The following MGAT5 variants were observed in gnomAD, a reference collection of about 807,000 sequenced individuals.
MGAT5 encodes alpha-1,6-mannosylglycoprotein 6-beta-N-acetylglucosaminyltransferase A.
MGAT5 carries 30 observed loss-of-function variants against 94.3 expected under a neutral mutation model. That is an observed-to-expected ratio of 0.32 (90% CI 0.24 to 0.43). The LOEUF (loss-of-function observed/expected upper bound fraction) is 0.43. Ranked by LOEUF, MGAT5 falls within the 20% of genes least tolerant of loss-of-function variation. MGAT5 has a pLI of 1.00. For synonymous variants in MGAT5, 310 were observed against 322.9 expected, an observed-to-expected ratio of 0.96 and a Z score of 0.43; for missense variants, 691 against 905.5, an observed-to-expected ratio of 0.76 and a Z score of 3.04.
At chr2:134,387,088 C>T (rs1010101949) in intron 10 of MGAT5, among the ~76,000 whole-genome samples, 1 of 151,028 alleles carries the variant, frequency 6.6e-6, no homozygotes, top group Admixed American at 6.6e-5. Context: ...ATGGAGAAAC[C>T]CTATCTCTAC....
At chr2:134,262,910 A>T (rs536798021) in intron 1 of MGAT5, among the ~76,000 whole-genome samples, 3 of 152,356 alleles carry the variant, frequency 2.0e-5, no homozygotes, top group Non-Finnish European at 4.4e-5. Context: ...AGAAGAGGTC[A>T]GGCTTGCCAC....
At chr2:134,232,229 C>A (rs1310525791) in intron 1 of MGAT5, among the ~76,000 whole-genome samples, 1 of 152,182 alleles carries the variant, frequency 6.6e-6, no homozygotes, top group African/African-American at 2.4e-5. Flanking sequence ...TTATTGGACT[C>A]ATTTCTCACC....
At chr2:134,277,159 C>T (rs770274541) in intron 2 of MGAT5, among the ~76,000 whole-genome samples, 16 of 152,274 alleles carry the variant, frequency 1.1e-4, no homozygotes, top group Admixed American at 3.9e-4. Context: ...GGCTCCACCA[C>T]TTCATAGCAG....
At chr2:134,253,701 C>T (rs1682754888), upstream of MGAT5, among the ~76,000 whole-genome samples, 1 of 152,152 alleles carries the variant, frequency 6.6e-6, no homozygotes, top group Non-Finnish European at 1.5e-5. Flanking sequence ...TGCCTGGTGG[C>T]CCTGAGAGAG....
chr2:134,391,113 GC>G (rs1216484380), intron 10 of MGAT5, among the ~76,000 whole-genome samples: 1 of 152,164 alleles, frequency 6.6e-6, no homozygotes, highest in African/African-American at 2.4e-5. Context: ...GAACTCTCAA[GC>G]AGTGTTTAAC....
At chr2:134,292,346 G>A (rs932266901) in intron 2 of MGAT5, among the ~76,000 whole-genome samples, 6 of 152,058 alleles carry the variant, frequency 3.9e-5, no homozygotes, top group Non-Finnish European at 7.4e-5. Context: ...TTTAATCCTC[G>A]CAAGTCTCTC....
intron 2 of MGAT5, among the ~76,000 whole-genome samples, chr2:134,283,449 A>G (rs1266747930): frequency 1.3e-5 from 2 of 152,138 alleles, no homozygotes; most frequent in Admixed American, 6.5e-5. Flanking sequence ...AGAGGCACCA[A>G]ATGGGGAGCA....
At chr2:134,160,566 G>A (rs186926048) in intron 1 of MGAT5, among the ~76,000 whole-genome samples, 12 of 152,260 alleles carry the variant, frequency 7.9e-5, no homozygotes, top group South Asian at 4.1e-4. Context: ...GATTGGGTGC[G>A]GGTATTGTAT....
At chr2:134,240,666 A>G (rs942774662) in intron 1 of MGAT5, among the ~76,000 whole-genome samples, 1 of 152,152 alleles carries the variant, frequency 6.6e-6, no homozygotes, top group Non-Finnish European at 1.5e-5. Flanking sequence ...AATTCTGTTG[A>G]TTTTCCTCAT....
Position 134,177,144 on chromosome 2 carries a change from C to CGTGTGTATGTGTGTGTGTGT in MGAT5, c.-143+56859_-143+56860insATGTGTGTGTGTGTGTGTGT, listed in dbSNP as rs1553488518. ...AGGGACCTCCTGTAACAAATGAACC[C>CGTGTGTATGTGTGTGTGTGT]GTGTGTGTGTGTGTGTGTATGTATC... is the stretch of plus-strand genomic sequence containing the variant. On this transcript the variant is annotated intron_variant, in intron 1 of 16. Transcript: ENST00000409645. 2.0e-3 allele frequency among the ~76,000 whole-genome samples: 279 copies of CGTGTGTATGTGTGTGTGTGT among 142,594 alleles called. 1 individual carries two copies. The highest frequency in any genetic ancestry group is 4.1e-3 in the African/African-American group (148 of 36,206). 93.5% of individuals were successfully genotyped at this position (142,594 alleles called of 152,430 possible).
intron 2 of MGAT5, among the ~76,000 whole-genome samples, chr2:134,313,614 T>TA (rs908517850): frequency 6.6e-6 from 1 of 152,072 alleles, no homozygotes; most frequent in Admixed American, 6.5e-5. Flanking sequence ...TTTCAACATT[T>TA]AAAAAAAATG....
chr2:134,358,160 C>T (rs935654037), intron 9 of MGAT5, among the ~76,000 whole-genome samples: 3 of 150,968 alleles, frequency 2.0e-5, no homozygotes, highest in African/African-American at 7.3e-5. Flanking sequence ...ATCTATATGC[C>T]CCAGTCCTCT....
intron 10 of MGAT5, among the ~76,000 whole-genome samples, chr2:134,387,317 TATATATATATATA>T (rs1432647809): frequency 1.7e-4 from 8 of 47,904 alleles, no homozygotes; most frequent in East Asian, 8.7e-4. Context: ...TATATATATA[TATATATATATATA>T]TATTTTTTTT....
intron 12 of MGAT5, 105 bp from the exon 13 acceptor site, chr2:134,422,698 T>C: frequency 1.3e-6 from 1 of 786,954 alleles, no homozygotes; most frequent in Non-Finnish European, 2.2e-6. Flanking sequence ...AGTGTCTTGT[T>C]ACCTACACGA....
chr2:134,193,127 T>TTA (rs200607190), intron 1 of MGAT5, among the ~76,000 whole-genome samples: 53 of 135,130 alleles, frequency 3.9e-4, no homozygotes, highest in African/African-American at 1.2e-3. Context: ...TATTTTTTAT[T>TTA]TTTTTTTTTT....
At chr2:134,127,942 G>A (rs2104892550) in intron 1 of MGAT5, among the ~76,000 whole-genome samples, 1 of 152,236 alleles carries the variant, frequency 6.6e-6, no homozygotes, top group Admixed American at 6.5e-5. Context: ...TTTAAAATCA[G>A]TCTGTGGACA....
At chr2:134,261,036 G>T (rs1355101412) in intron 1 of MGAT5, among the ~76,000 whole-genome samples, 1 of 152,080 alleles carries the variant, frequency 6.6e-6, no homozygotes, top group African/African-American at 2.4e-5. Flanking sequence ...TCACAAGCAC[G>T]CCCAGGCCAG....
chr2:134,125,782 C>G (rs2277882), intron 1 of MGAT5, among the ~76,000 whole-genome samples: 42,542 of 152,130 alleles, frequency 0.28, 6,475 homozygotes, highest in East Asian at 0.4. Flanking sequence ...CTCCTACCAT[C>G]CCCAGCTGGG....
intron 1 of MGAT5, among the ~76,000 whole-genome samples, chr2:134,160,567 G>A (rs1263017799): frequency 6.6e-6 from 1 of 152,154 alleles, no homozygotes; most frequent in Non-Finnish European, 1.5e-5. Context: ...ATTGGGTGCG[G>A]GTATTGTATG....
Sources: allele counts gnomAD v4.1 joint callset (sites outside exome capture counted in the v4.1 genomes callset), GRCh38; gene constraint gnomAD v4.1.1; transcripts MANE v1.5; gene names NCBI Gene and HGNC (gene_info 2026-07-23, HGNC 2026-07-21).